Variants in LHFPL1 observed in about 807,000 individuals in gnomAD.
LHFPL1 encodes the protein LHFPL tetraspan subfamily member 1.
LHFPL1 carries 4 observed loss-of-function variants against 12.1 expected under a neutral mutation model. The ratio of observed to expected loss-of-function variants is 0.33; its 90% CI spans 0.16 to 0.76. LHFPL1 has a LOEUF of 0.76. Among genes scored for constraint, LHFPL1 ranks in the 30% least tolerant of loss-of-function variants. The pLI, the probability that LHFPL1 is intolerant of heterozygous loss-of-function variation, is 0.61. For missense variants in LHFPL1, 141 were observed against 174.1 expected, an observed-to-expected ratio of 0.81 and a Z score of 1.07; for synonymous variants, 52 against 61.9, an observed-to-expected ratio of 0.84 and a Z score of 0.75.
At chrX:112,633,854 C>T (rs971321044) in intron 3 of LHFPL1, among the ~76,000 whole-genome samples, 1 of 111,422 alleles carries the variant, frequency 9.0e-6, no homozygotes, top group Non-Finnish European at 1.9e-5. Flanking sequence ...GTAGTTTAAA[C>T]GTGAACAACA....
Position 112,671,496 on chromosome X carries a change from A to G in LHFPL1, c.-14-92T>C, listed in dbSNP as rs1336892043. 4.2e-6 allele frequency: 5 copies of G among 1,186,726 alleles called. No homozygotes were observed. In the African/African-American group the frequency reaches 8.8e-5, roughly 21 times the overall value. Reference sequence around the variant, plus strand: ...TGGCCTATTTTTCATCTGGTTGGCCAGTCCTGGGGCTCAATTATGTGCCAC... The same window carrying G: ...TGGCCTATTTTTCATCTGGTTGGCCGGTCCTGGGGCTCAATTATGTGCCAC... On this transcript the variant is annotated intron_variant, in intron 1 of 3. Coordinates refer to ENST00000371968, the MANE Select transcript of LHFPL1 (RefSeq NM_178175.4).
intron 1 of LHFPL1, among the ~76,000 whole-genome samples, chrX:112,677,896 T>G (rs12390434): frequency 0.052 from 5,709 of 110,773 alleles, 376 homozygotes; most frequent in African/African-American, 0.18. Flanking sequence ...TTTGCTGAAC[T>G]TCTTTCTGGG....
intron 3 of LHFPL1, among the ~76,000 whole-genome samples, chrX:112,634,311 C>A (rs757339603): frequency 5.4e-4 from 60 of 110,882 alleles, no homozygotes; most frequent in Non-Finnish European, 7.6e-5. Context: ...GGAGGGGGGG[C>A]TCCTAAGTCA....
At chrX:112,672,821 T>C (rs186784210) in intron 1 of LHFPL1, among the ~76,000 whole-genome samples, 1 of 112,170 alleles carries the variant, frequency 8.9e-6, no homozygotes, top group African/African-American at 3.2e-5. Flanking sequence ...GTGAAACCCA[T>C]TTCATAGAAT....
intron 1 of LHFPL1, among the ~76,000 whole-genome samples, chrX:112,673,476 T>C (rs1425773148): frequency 9.0e-6 from 1 of 111,222 alleles, no homozygotes; most frequent in East Asian, 2.8e-4. Context: ...GTTTGTAAGA[T>C]TACAAAAAGT....
chrX:112,647,451 T>A (rs1930725045), intron 3 of LHFPL1, among the ~76,000 whole-genome samples: 2 of 111,135 alleles, frequency 1.8e-5, no homozygotes, highest in Admixed American at 1.9e-4. Flanking sequence ...ATATCCAGAA[T>A]CTACAAGGAA....
chrX:112,673,496 C>T (rs994491694), intron 1 of LHFPL1, among the ~76,000 whole-genome samples: 1 of 111,567 alleles, frequency 9.0e-6, no homozygotes, highest in African/African-American at 3.3e-5. Context: ...TGCAAGCAGC[C>T]CTCCATTACA....
At chrX:112,662,510 G>A (rs917485480) in intron 2 of LHFPL1, among the ~76,000 whole-genome samples, 3 of 112,292 alleles carry the variant, frequency 2.7e-5, no homozygotes, top group African/African-American at 6.5e-5. Flanking sequence ...CATTGAGGCC[G>A]CAGAAGAAGA....
At chrX:112,664,205 CACAGAACCT>C (rs2147723592) in intron 2 of LHFPL1, among the ~76,000 whole-genome samples, 1 of 112,100 alleles carries the variant, frequency 8.9e-6, no homozygotes, top group East Asian at 2.8e-4. Flanking sequence ...AATCTGTGGA[CACAGAACCT>C]ACAGATACGG....
intron 3 of LHFPL1, 109 bp downstream of exon 3, chrX:112,660,518 G>T: frequency 1.7e-6 from 1 of 595,017 alleles, no homozygotes; most frequent in Non-Finnish European, 2.8e-6. Flanking sequence ...CTAACACAGT[G>T]AGAGAGATTC....
rs963941271 is a variant in LHFPL1, at chrX:112,679,815, A to G, written c.-15+14T>C. On this transcript the variant is annotated intron_variant, in intron 1 of 3. Coordinates refer to ENST00000371968, the MANE Select transcript of LHFPL1 (RefSeq NM_178175.4). ...AGCTGTTTGAATTGCATTTGGCCCA[A>G]GTTGCATATTTACCTTCTGACCACG... The G allele has an allele frequency of 1.8e-5, 2 of 111,491 alleles. No homozygotes were observed. Among genetic ancestry groups the G allele is most frequent in the African/African-American group, 6.5e-5 (2 of 30,668 alleles). The allele number at this position is 111,491 out of a possible 1,213,427, so 9.2% of individuals were successfully genotyped here.
chrX:112,634,667 C>A (rs986625143), intron 3 of LHFPL1, among the ~76,000 whole-genome samples: 2 of 111,634 alleles, frequency 1.8e-5, no homozygotes, highest in African/African-American at 3.3e-5. Context: ...ACAGAGTGGT[C>A]AGCTCCAGAG....
chrX:112,648,527 A>G (rs1034569630), intron 3 of LHFPL1: 1 of 111,399 alleles, frequency 9.0e-6, no homozygotes, highest in African/African-American at 3.3e-5. Context: ...CAGCTAAAAA[A>G]AATCTGTTTG....
rs1930169604 is a variant in LHFPL1, at chrX:112,630,935, G to A, written c.*485C>T. 1 of 111,833 alleles carries A rather than the reference G, an allele frequency of 8.9e-6. No individual in the cohort carries two copies. The highest frequency in any genetic ancestry group is 3.3e-5 in the African/African-American group (1 of 30,593). The allele number at this position is 111,833 out of a possible 1,213,427, so 9.2% of individuals were successfully genotyped here. ...CTCCCCTGAAGCTTCCCCACAAGGTGCGGGGGGAAGCAGGAGAAAAAAAGG... is the reference window on the plus strand; with the variant it reads ...CTCCCCTGAAGCTTCCCCACAAGGTACGGGGGGAAGCAGGAGAAAAAAAGG... On this transcript the variant is annotated 3_prime_UTR_variant, in exon 4 of 4. Transcript: ENST00000371968.
At chrX:112,651,908 T>C (rs773724741) in intron 3 of LHFPL1, among the ~76,000 whole-genome samples, 1 of 112,703 alleles carries the variant, frequency 8.9e-6, no homozygotes, top group Non-Finnish European at 1.9e-5. Context: ...AAAGTCCTTA[T>C]ATTCTGACTA....
At chrX:112,641,728 G>A (rs1021758965) in intron 3 of LHFPL1, among the ~76,000 whole-genome samples, 15 of 111,982 alleles carry the variant, frequency 1.3e-4, no homozygotes, top group Non-Finnish European at 2.3e-4. Flanking sequence ...TCCCAAAAGT[G>A]TCTGAGAGAG....
chrX:112,657,343 T>G (rs969192155), intron 3 of LHFPL1, among the ~76,000 whole-genome samples: 2 of 112,129 alleles, frequency 1.8e-5, no homozygotes, highest in African/African-American at 6.5e-5. Context: ...GAAAACTTCA[T>G]ATTATTAAGG....
At chrX:112,667,965 AGGGGGTAGTTCTTAAT>A (rs970331121) in intron 2 of LHFPL1, among the ~76,000 whole-genome samples, 2 of 110,780 alleles carry the variant, frequency 1.8e-5, no homozygotes, top group Admixed American at 1.9e-4. Flanking sequence ...AGGCAGGGGA[AGGGGGTAGTTCTTAAT>A]GGATACTCCA....
chrX:112,641,081 T>C (rs1930491975), intron 3 of LHFPL1, among the ~76,000 whole-genome samples: 1 of 111,374 alleles, frequency 9.0e-6, no homozygotes, highest in Non-Finnish European at 1.9e-5. Flanking sequence ...ATTCTAGCCA[T>C]TAAATTAGCC....
Sources: gnomAD v4.1 joint callset for allele counts (sites outside exome capture counted in the v4.1 genomes callset) on GRCh38, gnomAD v4.1.1 for gene constraint, MANE v1.5 for transcripts, NCBI Gene and HGNC (gene_info 2026-07-23, HGNC 2026-07-21) for gene names.